Variants in PIGR observed in about 807,000 individuals in gnomAD.
The protein encoded by PIGR is polymeric immunoglobulin receptor, also known as hepatocellular carcinoma associated protein TB6.
In PIGR, 22 loss-of-function variants were observed where a neutral mutation model predicts 69.5. The ratio of observed to expected loss-of-function variants is 0.32; its 90% CI spans 0.23 to 0.45. The LOEUF (loss-of-function observed/expected upper bound fraction) is 0.45, where lower values mean the gene tolerates loss of function less well. Among genes scored for constraint, PIGR ranks in the 20% least tolerant of loss-of-function variants. The pLI is 1.00. For missense variants in PIGR, 885 were observed against 974.0 expected (o/e 0.91, Z 1.22); for synonymous variants, 413 against 407.6 (o/e 1.01, Z -0.16).
In PIGR at chr1:206,935,779, A is replaced by G. The variant is rs1223277244; in HGVS notation, c.1085T>C (p.Val362Ala). ...GAGCACGGCCACAGAGCCTCCTGCCACCCCCTTCACCACAGTGGGGCTGCG... is the reference window on the plus strand; with the variant it reads ...GAGCACGGCCACAGAGCCTCCTGCCGCCCCCTTCACCACAGTGGGGCTGCG... The part of the protein sequence containing the change: ...IPRSPTVVKG[V>A]AGGSVAVLCP... The change falls in exon 5 of 11, where the codon GTG (valine) becomes GCG (alanine). Residue 362 changes from valine (V) to alanine (A), a missense_variant. Physicochemically the swap from Val to Ala is moderately conservative, Grantham distance 64. Transcript: ENST00000356495. The surrounding 1 kb of genome is among the most constrained non-coding windows in gnomAD (Gnocchi z 4.4). 2.5e-6 allele frequency: 4 copies of G among 1,611,020 alleles called. No homozygotes were observed. Among genetic ancestry groups the G allele is most frequent in the Non-Finnish European group, 3.4e-6 (4 of 1,177,904 alleles).
In PIGR at chr1:206,937,387, G is replaced by C; in HGVS notation, c.753C>G (p.Gly251=). The C allele has an allele frequency of 6.2e-7, 1 of 1,614,018 alleles. No homozygotes were observed. The highest frequency in any genetic ancestry group is 1.1e-5 in the South Asian group (1 of 91,082). Residue 251 remains glycine, a synonymous_variant, in exon 4 of 11, where the codon GGC becomes GGG. Transcript: ENST00000356495. ...CCAGGGCACAGTGGAAGGTCACTGA[G>C]CCCCTCAGGTCTTCATAAACCAGCT... ...EPELVYEDLR[G]SVTFHCALGP...
At chr1:206,936,997 G>A (rs926812247) in intron 4 of PIGR, 98 bp downstream of exon 4, 16 of 1,162,742 alleles carry the variant, frequency 1.4e-5, no homozygotes, top group Admixed American at 2.9e-5. Flanking sequence ...GCTGTTGGCT[G>A]ATTGATGACT....
At chr1:206,938,919 AG>A (rs1558014766) in intron 3 of PIGR, among the ~76,000 whole-genome samples, 199 bp downstream of exon 3, 1 of 152,144 alleles carries the variant, frequency 6.6e-6, no homozygotes, top group Non-Finnish European at 1.5e-5. Context: ...AAGTCCTAGA[AG>A]GGTTCACTCA....
Position 206,937,755 on chromosome 1 carries a change from C to A in PIGR, c.389-4G>T. 1 of 1,613,254 alleles carries A rather than the reference C, an allele frequency of 6.2e-7. No individual in the cohort carries two copies. Among genetic ancestry groups the A allele is most frequent in the Non-Finnish European group, 8.5e-7 (1 of 1,179,584 alleles). On this transcript the variant is annotated splice_polypyrimidine_tract_variant and splice_region_variant and intron_variant, in intron 3 of 10. Coordinates refer to ENST00000356495, the MANE Select transcript of PIGR (RefSeq NM_002644.4). ...GTGTCATTTAGGAGCCCAGGACCTGCAGGATGAGGGGTGCAAGGTAGGGGG... is the reference window on the plus strand; with the variant it reads ...GTGTCATTTAGGAGCCCAGGACCTGAAGGATGAGGGGTGCAAGGTAGGGGG...
Position 206,940,648 on chromosome 1 carries a change from A to C in PIGR, c.-53-64T>G. ...GTCTTCCAAGACTAGTTGACCTTAGAGTTTCTGTGACATCTATTTGGCTTT... is the reference window on the plus strand; with the variant it reads ...GTCTTCCAAGACTAGTTGACCTTAGCGTTTCTGTGACATCTATTTGGCTTT... On this transcript the variant is annotated intron_variant, in intron 1 of 10. Coordinates refer to ENST00000356495, the MANE Select transcript of PIGR (RefSeq NM_002644.4). The C allele has an allele frequency of 3.0e-6, 3 of 1,008,722 alleles. No homozygotes were observed. The South Asian group carries it at 5.5e-5, about 18-fold the overall frequency. The allele number at this position is 1,008,722 out of a possible 1,614,324, so 62.5% of individuals were successfully genotyped here.
intron 8 of PIGR, 34 bp downstream of exon 8, chr1:206,932,422 G>C (rs369421393): frequency 2.7e-5 from 43 of 1,588,894 alleles, no homozygotes; most frequent in Non-Finnish European, 3.7e-5. Context: ...GCTCGGGTTG[G>C]AGGTGGGAGG....
intron 2 of PIGR, among the ~76,000 whole-genome samples, chr1:206,939,813 G>T (rs546721129): frequency 2.0e-5 from 3 of 152,210 alleles, no homozygotes; most frequent in Admixed American, 1.3e-4. Context: ...TGCAACCTCC[G>T]CTTCCCAGGT....
In PIGR at chr1:206,935,422, G is replaced by T; in HGVS notation, c.1378+64C>A. The T allele has an allele frequency of 7.4e-7, 1 of 1,358,112 alleles. No homozygotes were observed. The highest frequency in any genetic ancestry group is 1.0e-6 in the Non-Finnish European group (1 of 971,942). The allele number at this position is 1,358,112 out of a possible 1,614,324, so 84.1% of individuals were successfully genotyped here. A position where few individuals can be genotyped will look rare whatever the true frequency, so the allele number is the denominator to read the frequency against. On this transcript the variant is annotated intron_variant, in intron 5 of 10. Coordinates refer to ENST00000356495, the MANE Select transcript of PIGR (RefSeq NM_002644.4). The surrounding 1 kb of genome is among the most constrained non-coding windows in gnomAD (Gnocchi z 4.4). The stretch of plus-strand genomic sequence containing the variant: ...AGGCGGGTGAAAAAGGAGGAAGAGT[G>T]GTTGGGGATGCTGCTGCTGGCTGGA...
intron 1 of PIGR, among the ~76,000 whole-genome samples, chr1:206,941,921 G>A (rs907023197): frequency 2.0e-5 from 3 of 152,196 alleles, no homozygotes; most frequent in Non-Finnish European, 4.4e-5. Context: ...TAAAGATAAG[G>A]ACGCTGTAAG....
At position 206,933,052 on chromosome 1, in the gene PIGR, T is replaced by G. The variant is rs1226468444; in HGVS notation, c.1820A>C (p.Glu607Ala). The G allele has an allele frequency of 6.2e-7, 1 of 1,614,084 alleles. No homozygotes were observed. The highest frequency in any genetic ancestry group is 8.5e-7 in the Non-Finnish European group (1 of 1,180,038). ...KAIQDPRLFA[E>A]EKAVADTRDQ... ...TCTTGTATCTGCCACCGCCTTTTCC[T>G]CTGCAAAAAGCCTGGGATCCTGAAT... The change falls in exon 7 of 11, where the codon GAG (glutamate) becomes GCG (alanine). Residue 607 changes from glutamate to alanine, a missense_variant. Transcript: ENST00000356495.
chr1:206,931,061 C>T (rs1422106972), intron 10 of PIGR: 1 of 985,270 alleles, frequency 1.0e-6, no homozygotes. Context: ...CTCAAACTGC[C>T]CACCGCAAGC....
At chr1:206,931,369 A>G in intron 10 of PIGR, 128 bp downstream of exon 10, 1 of 1,592,314 alleles carries the variant, frequency 6.3e-7, no homozygotes, top group Admixed American at 1.8e-5. Flanking sequence ...ACTCCTGAGG[A>G]CTATTTATAT....
At chr1:206,936,148 G>T (rs906860926) in intron 4 of PIGR, among the ~76,000 whole-genome samples, 22 of 152,210 alleles carry the variant, frequency 1.4e-4, no homozygotes, top group African/African-American at 4.3e-4. Context: ...CTCCCTCTGT[G>T]TAGGTTTTTG....
intron 1 of PIGR, among the ~76,000 whole-genome samples, chr1:206,944,639 C>T (rs2102605427): frequency 6.6e-6 from 1 of 152,326 alleles, no homozygotes; most frequent in Non-Finnish European, 1.5e-5. Context: ...GCCAAAGCCT[C>T]TTTCCACTCC....
At chr1:206,943,496 G>A (rs1680038043) in intron 1 of PIGR, among the ~76,000 whole-genome samples, 2 of 152,208 alleles carry the variant, frequency 1.3e-5, no homozygotes, top group Non-Finnish European at 2.9e-5. Flanking sequence ...TACTAAGTTA[G>A]TATCCCAACA....
chr1:206,929,956 A>T lies in PIGR; in HGVS notation c.*362T>A, dbSNP rs1679698697. On this transcript the variant is annotated 3_prime_UTR_variant, in exon 11 of 11. Transcript: ENST00000356495. Reference sequence around the variant, plus strand: ...GAGTGGAGGGAAAAATTCTGTTGACATCCCATGATAAGGGTGCAGAGGGGC... The same window carrying T: ...GAGTGGAGGGAAAAATTCTGTTGACTTCCCATGATAAGGGTGCAGAGGGGC... The T allele has an allele frequency of 3.8e-5, 8 of 209,646 alleles. No individual in the cohort carries two copies. In the South Asian group the frequency reaches 9.3e-4, roughly 24 times the overall value. 13.0% of individuals were successfully genotyped at this position (209,646 alleles called of 1,614,324 possible).
At chr1:206,937,028 G>GGAGCTGA in intron 4 of PIGR, 67 bp downstream of exon 4, 1 of 1,399,172 alleles carries the variant, frequency 7.1e-7, no homozygotes, top group Non-Finnish European at 9.7e-7. Context: ...ACACTCAGAG[G>GGAGCTGA]GAGCTGAGCT....
intron 6 of PIGR, among the ~76,000 whole-genome samples, 157 bp from the exon 7 acceptor site, chr1:206,933,323 G>A (rs149398282): frequency 6.6e-6 from 1 of 152,170 alleles, no homozygotes; most frequent in Non-Finnish European, 1.5e-5. Context: ...AGAAACAGCT[G>A]TGATGGCCTT....
chr1:206,933,690 G>C (rs1301778161), intron 6 of PIGR, among the ~76,000 whole-genome samples: 4 of 152,204 alleles, frequency 2.6e-5, no homozygotes, highest in Non-Finnish European at 5.9e-5. Flanking sequence ...TAATTTTCCT[G>C]ATCAGACCTT....
Sources: allele counts gnomAD v4.1 joint callset (sites outside exome capture counted in the v4.1 genomes callset), GRCh38; gene constraint gnomAD v4.1.1; non-coding constraint Gnocchi (gnomAD v3.1); transcripts MANE v1.5; gene names NCBI Gene and HGNC (gene_info 2026-07-23, HGNC 2026-07-21).